C18orf63: variants seen among roughly 807,000 people sequenced by gnomAD.
C18orf63 encodes chromosome 18 open reading frame 63.
In C18orf63, 50 loss-of-function variants were observed where a neutral mutation model predicts 75.3. The ratio of observed to expected loss-of-function variants is 0.66; its 90% CI spans 0.53 to 0.84. The LOEUF (loss-of-function observed/expected upper bound fraction) is 0.84. C18orf63 is among the 40% of genes least tolerant of loss of function. C18orf63 has a pLI of 0.00. For missense variants in C18orf63, 732 were observed against 800.2 expected, an observed-to-expected ratio of 0.91 and a Z score of 1.03; for synonymous variants, 232 against 267.6, an observed-to-expected ratio of 0.87 and a Z score of 1.30.
At chr18:74,320,822 G>C (rs1426561711) in intron 3 of C18orf63, among the ~76,000 whole-genome samples, 1 of 151,994 alleles carries the variant, frequency 6.6e-6, no homozygotes, top group East Asian at 1.9e-4. Context: ...TAAATGCTAA[G>C]ATAAAGACTG....
At chr18:74,335,752 G>A (rs1984381435) in intron 7 of C18orf63, among the ~76,000 whole-genome samples, 1 of 152,034 alleles carries the variant, frequency 6.6e-6, no homozygotes, top group Non-Finnish European at 1.5e-5. Flanking sequence ...AGTGCTGATG[G>A]AAAACACCTT....
In C18orf63 at chr18:74,356,647, A is replaced by G. The variant is rs2144447817; in HGVS notation, c.*200A>G. ...TGTATGTGGGTTTCTGTATTTAACT[A>G]GTCCCCTATTGATAGACACTTCAGT... On this transcript the variant is annotated 3_prime_UTR_variant, in exon 14 of 14. Transcript: ENST00000579455. The G allele has an allele frequency of 6.6e-6, 1 of 152,482 alleles. No homozygotes were observed. Among genetic ancestry groups the G allele is most frequent in the Non-Finnish European group, 1.5e-5 (1 of 68,034 alleles). The allele number at this position is 152,482 out of a possible 1,614,324, so 9.4% of individuals were successfully genotyped here. A position where few individuals can be genotyped will look rare whatever the true frequency, so the allele number is the denominator to read the frequency against.
chr18:74,331,795 C>T (rs879771649), intron 7 of C18orf63, among the ~76,000 whole-genome samples: 10 of 152,144 alleles, frequency 6.6e-5, no homozygotes, highest in Admixed American at 5.9e-4. Context: ...GTGTCCTGCT[C>T]ATCATTTAAG....
In C18orf63 at chr18:74,342,016, C is replaced by T; in HGVS notation, c.612-16C>T. The T allele has an allele frequency of 7.7e-7, 1 of 1,295,622 alleles. No homozygotes were observed. Among genetic ancestry groups the T allele is most frequent in the Non-Finnish European group, 1.1e-6 (1 of 935,744 alleles). 80.3% of individuals were successfully genotyped at this position (1,295,622 alleles called of 1,614,324 possible). A position where few individuals can be genotyped will look rare whatever the true frequency, so the allele number is the denominator to read the frequency against. The stretch of plus-strand genomic sequence containing the variant: ...TTAAGCATTGGCTCATAATAGCTTC[C>T]TCTCATTTTTCATAGTATGAAAATG... On this transcript the variant is annotated splice_polypyrimidine_tract_variant and intron_variant, in intron 8 of 13. Transcript: ENST00000579455.
At chr18:74,339,719 G>A (rs1984448334) in intron 8 of C18orf63, among the ~76,000 whole-genome samples, 2 of 152,084 alleles carry the variant, frequency 1.3e-5, no homozygotes, top group Admixed American at 1.3e-4. Context: ...GTATGCAGGT[G>A]ACATGATCTT....
Position 74,357,989 on chromosome 18 carries a change from A to G in C18orf63, c.*1542A>G, listed in dbSNP as rs1265732899. The G allele has an allele frequency of 6.6e-6, 1 of 152,198 alleles. No homozygotes were observed. The highest frequency in any genetic ancestry group is 2.4e-5 in the African/African-American group (1 of 41,446). 9.4% of individuals were successfully genotyped at this position (152,198 alleles called of 1,614,324 possible). ...ATTTTTGATGAGCACAGTCATCCAC[A>G]GCATGTAATCATTCCTAAAACCAGC... On this transcript the variant is annotated 3_prime_UTR_variant, in exon 14 of 14. Transcript: ENST00000579455.
chr18:74,316,986 C>A (rs990723388), intron 1 of C18orf63, among the ~76,000 whole-genome samples: 35 of 152,188 alleles, frequency 2.3e-4, no homozygotes, highest in African/African-American at 7.7e-4. Flanking sequence ...AATTTACATT[C>A]CTACTGTATT....
Position 74,354,252 on chromosome 18 carries a change from G to T in C18orf63, c.1985G>T (p.Ser662Ile). The T allele has an allele frequency of 6.6e-7, 1 of 1,510,546 alleles. No homozygotes were observed. The highest frequency in any genetic ancestry group is 8.8e-7 in the Non-Finnish European group (1 of 1,138,384). The allele number at this position is 1,510,546 out of a possible 1,614,324, so 93.6% of individuals were successfully genotyped here. A position where few individuals can be genotyped will look rare whatever the true frequency, so the allele number is the denominator to read the frequency against. ...GATACTGTGCACTATGGCCAATCCAGTTCTTCTAAGAAGCAGGTAAAAAAA... is the reference window on the plus strand; with the variant it reads ...GATACTGTGCACTATGGCCAATCCATTTCTTCTAAGAAGCAGGTAAAAAAA... ...HSDTVHYGQSSSSKKQILDSD... is the reference protein window; with the variant it reads ...HSDTVHYGQSISSKKQILDSD... The change falls in exon 12 of 14, where the codon AGT (serine) becomes ATT (isoleucine). Residue 662 changes from serine to isoleucine, a missense_variant. By Grantham distance (142) the Ser-to-Ile change is moderately radical. Coordinates refer to ENST00000579455, the MANE Select transcript of C18orf63 (RefSeq NM_001174123.2).
intron 2 of C18orf63, among the ~76,000 whole-genome samples, chr18:74,319,366 A>G (rs545808144): frequency 1.3e-5 from 2 of 152,346 alleles, no homozygotes; most frequent in South Asian, 4.1e-4. Flanking sequence ...TCCAACAAAT[A>G]TGAAGCCACC....
intron 7 of C18orf63, among the ~76,000 whole-genome samples, chr18:74,336,952 A>G (rs1405427266): frequency 2.0e-5 from 3 of 151,998 alleles, no homozygotes; most frequent in African/African-American, 7.2e-5. Flanking sequence ...ATGTTGCTCT[A>G]ATTCAGACTC....
At chr18:74,345,916 C>T (rs573552893) in intron 11 of C18orf63, among the ~76,000 whole-genome samples, 16 of 152,020 alleles carry the variant, frequency 1.1e-4, no homozygotes, top group African/African-American at 3.4e-4. Flanking sequence ...TTTCCATACA[C>T]ATTGAGTTTC....
chr18:74,317,796 G>C, intron 1 of C18orf63, 38 bp from the exon 2 acceptor site: 1 of 1,279,930 alleles, frequency 7.8e-7, no homozygotes. Context: ...CTATTGGTAA[G>C]ATAATTTACT....
intron 4 of C18orf63, among the ~76,000 whole-genome samples, chr18:74,325,199 T>C (rs1026169128): frequency 4.6e-5 from 7 of 152,182 alleles, no homozygotes; most frequent in Non-Finnish European, 1.0e-4. Flanking sequence ...AACACGTTCG[T>C]GCTATATATT....
Position 74,324,179 on chromosome 18 carries a change from T to C in C18orf63, c.270+1425T>C, listed in dbSNP as rs1202929475. Among the ~76,000 whole-genome samples, 6 of 152,242 alleles carry C rather than the reference T, an allele frequency of 3.9e-5. No homozygotes were observed. The East Asian group carries it at 1.2e-3, about 29-fold the overall frequency. ...ACAAAAGCACTCAGGGAGCCTGTCA[T>C]ATTTGTGATTGTTTTGAACCGTGTG... is the stretch of plus-strand genomic sequence containing the variant. On this transcript the variant is annotated intron_variant, in intron 4 of 13. Transcript: ENST00000579455.
chr18:74,337,015 C>A (rs1984402534), intron 7 of C18orf63, among the ~76,000 whole-genome samples: 1 of 151,996 alleles, frequency 6.6e-6, no homozygotes, highest in African/African-American at 2.4e-5. Flanking sequence ...TGTTTCCAGC[C>A]TTTCTCCTTC....
chr18:74,332,216 T>C (rs1984319813), intron 7 of C18orf63, among the ~76,000 whole-genome samples: 1 of 152,206 alleles, frequency 6.6e-6, no homozygotes, highest in Admixed American at 6.5e-5. Flanking sequence ...GTCTCTCTGC[T>C]GAGTCCTGAG....
At chr18:74,336,046 C>A (rs955994061) in intron 7 of C18orf63, among the ~76,000 whole-genome samples, 1 of 151,992 alleles carries the variant, frequency 6.6e-6, no homozygotes, top group South Asian at 2.1e-4. Context: ...CATTAAGGGC[C>A]TAGCATAGTA....
At chr18:74,351,445 G>A (rs1244529975) in intron 11 of C18orf63, among the ~76,000 whole-genome samples, 2 of 152,016 alleles carry the variant, frequency 1.3e-5, no homozygotes, top group Non-Finnish European at 2.9e-5. Context: ...GGTCTTTCTG[G>A]GGACATTTGT....
intron 11 of C18orf63, among the ~76,000 whole-genome samples, chr18:74,349,808 G>A (rs1202960732): frequency 1.3e-5 from 2 of 152,148 alleles, no homozygotes; most frequent in African/African-American, 2.4e-5. Context: ...TGCTAACTCT[G>A]TAACTGAAAA....
Sources: allele counts gnomAD v4.1 joint callset (sites outside exome capture counted in the v4.1 genomes callset), GRCh38; gene constraint gnomAD v4.1.1; transcripts MANE v1.5; gene names NCBI Gene and HGNC (gene_info 2026-07-23, HGNC 2026-07-21).